CRAT: variants seen among roughly 807,000 people sequenced by gnomAD.
The protein encoded by CRAT is carnitine acetylase.
Under a neutral mutation model 73.7 loss-of-function variants are expected in CRAT, and 66 were observed. That is an observed-to-expected ratio of 0.90 (90% CI 0.73 to 1.10). The LOEUF (loss-of-function observed/expected upper bound fraction) is 1.10. Ranked by LOEUF, CRAT falls within the 50% of genes least tolerant of loss-of-function variation. The pLI is 0.00. For missense variants in CRAT, 745 were observed against 846.9 expected, an observed-to-expected ratio of 0.88 and a Z score of 1.49; for synonymous variants, 321 against 343.2, an observed-to-expected ratio of 0.94 and a Z score of 0.71.
intron 2 of CRAT, 90 bp from the exon 3 acceptor site, chr9:129,104,396 G>A: frequency 1.1e-6 from 1 of 944,874 alleles, no homozygotes; most frequent in Non-Finnish European, 1.7e-6. Context: ...TGGCCCCCAT[G>A]CCCTCTACCT....
Position 129,096,042 on chromosome 9 carries a change from T to C in CRAT, c.1621A>G (p.Thr541Ala). The change falls in exon 13 of 14, where the codon ACC (threonine) becomes GCC (alanine). Residue 541 changes from threonine to alanine, a missense_variant. By Grantham distance (58) the Thr-to-Ala change is moderately conservative (BLOSUM62 0). Transcript: ENST00000318080. ...AAGTGCATGGCGATGGCGTAGGAGGTGTCCATGAAGATGTCGGGCATGCTC... is the reference window on the plus strand; with the variant it reads ...AAGTGCATGGCGATGGCGTAGGAGGCGTCCATGAAGATGTCGGGCATGCTC... Reference protein sequence around the residue: ...LVSMPDIFMDTSYAIAMHFHL... With the variant: ...LVSMPDIFMDASYAIAMHFHL... The C allele has an allele frequency of 6.2e-7, 1 of 1,613,778 alleles. No individual in the cohort carries two copies. Among genetic ancestry groups the C allele is most frequent in the Non-Finnish European group, 8.5e-7 (1 of 1,179,966 alleles).
chr9:129,108,105 T>C, intron 1 of CRAT, 28 bp from the exon 2 acceptor site: 1 of 1,499,906 alleles, frequency 6.7e-7, no homozygotes, highest in East Asian at 2.3e-5. Flanking sequence ...TCCTGTTCAT[T>C]CCCTCCCCGG....
Position 129,098,295 on chromosome 9 carries a change from T to C in CRAT, c.1282A>G (p.Ser428Gly), listed in dbSNP as rs566951989. The change falls in exon 10 of 14, where the codon AGC becomes GGC. Residue 428 changes from serine (S) to glycine (G), a missense_variant. Ser to Gly is a moderately conservative substitution (Grantham distance 56). Coordinates refer to ENST00000318080, the MANE Select transcript of CRAT (RefSeq NM_000755.5). Reference sequence around the variant, plus strand: ...GCCATCTGGATGAAGGCATCTGGGCTTAGCTTCTCCGACTTGGGGAAGTCT... The same window carrying C: ...GCCATCTGGATGAAGGCATCTGGGCCTAGCTTCTCCGACTTGGGGAAGTCT... ...GKDFPKSEKL[S>G]PDAFIQMALQ... 7 of 1,614,042 alleles carry C rather than the reference T, an allele frequency of 4.3e-6. No homozygotes were observed. The highest frequency in any genetic ancestry group is 5.1e-6 in the Non-Finnish European group (6 of 1,180,034).
chr9:129,099,133 C>T (rs894627557), intron 8 of CRAT, among the ~76,000 whole-genome samples: 12 of 149,152 alleles, frequency 8.0e-5, no homozygotes, highest in Non-Finnish European at 1.6e-4. Context: ...CACCACCACG[C>T]GTGGCTAACT....
rs1052751317 is a variant in CRAT at position 129,095,091 on chromosome 9, G to A, written c.*306C>T. ...AGAGCTCTTGCCAGTCTCCTGCTCT[G>A]GAGGGCTGGTTCCCTTCCCCAGAGG... On this transcript the variant is annotated 3_prime_UTR_variant, in exon 14 of 14. Coordinates refer to ENST00000318080, the MANE Select transcript of CRAT (RefSeq NM_000755.5). 4.2e-5 allele frequency: 19 copies of A among 452,428 alleles called. No individual in the cohort carries two copies. The highest frequency in any genetic ancestry group is 2.2e-4 in the African/African-American group (11 of 50,866). 28.0% of individuals were successfully genotyped at this position (452,428 alleles called of 1,614,324 possible).
At chr9:129,100,475 G>A in intron 7 of CRAT, 36 bp downstream of exon 7, 1 of 1,593,270 alleles carries the variant, frequency 6.3e-7, no homozygotes, top group Non-Finnish European at 8.6e-7. Context: ...TCCTGTTCAG[G>A]TGTGTGTGAG....
intron 12 of CRAT, among the ~76,000 whole-genome samples, chr9:129,096,479 C>T (rs913912532): frequency 1.2e-4 from 18 of 152,334 alleles, no homozygotes; most frequent in African/African-American, 4.1e-4. Flanking sequence ...ACACTCCCCT[C>T]GCAGGGTGGC....
rs772385122 is a variant in CRAT, at chr9:129,098,128, G to A, written c.1349C>T (p.Ala450Val). 6.2e-7 allele frequency: 1 copy of A among 1,613,860 alleles called. No individual in the cohort carries two copies. The highest frequency in any genetic ancestry group is 8.5e-7 in the Non-Finnish European group (1 of 1,180,032). Residue 450 changes from alanine (A) to valine (V), a missense_variant, in exon 11 of 14, where the codon GCC becomes GTC. By Grantham distance (64) the Ala-to-Val change is moderately conservative. Transcript: ENST00000318080. ...GCGCAGGGAGGCACTTTCATAGGTG[G>A]CACATGCCTGTCCGTAGATCCTGGT... The part of the protein sequence containing the change: ...AYYRIYGQAC[A>V]TYESASLRMF...
rs1028025395 is a variant in CRAT, at chr9:129,106,491, A to G, written c.291+1323T>C. On this transcript the variant is annotated intron_variant, in intron 2 of 13. Transcript: ENST00000318080. This position sits in a 1 kb window ranked among gnomAD's most constrained non-coding sequence, Gnocchi z 4.0. ...GAGAATCTGCCAGGTGGTGGCGGAG[A>G]CCCTTCGGTGGCCCCGTGAGTGGAA... Among the ~76,000 whole-genome samples, 1 of 151,902 alleles carries G rather than the reference A, an allele frequency of 6.6e-6. No homozygotes were observed.
In CRAT at chr9:129,103,307, C is replaced by G. The variant is rs969473621; in HGVS notation, c.411-241G>C. Reference sequence around the variant, plus strand: ...CGGGGAAGTGCTGGTGGCCAAGGGCCTAGTAGGACTTGGGTGCTGGCCCCC... The same window carrying G: ...CGGGGAAGTGCTGGTGGCCAAGGGCGTAGTAGGACTTGGGTGCTGGCCCCC... On this transcript the variant is annotated intron_variant, in intron 3 of 13. Coordinates refer to ENST00000318080, the MANE Select transcript of CRAT (RefSeq NM_000755.5). This position sits in a 1 kb window ranked among gnomAD's most constrained non-coding sequence, Gnocchi z 4.6. 4.6e-5 allele frequency among the ~76,000 whole-genome samples: 7 copies of G among 152,314 alleles called. No individual in the cohort carries two copies. Among genetic ancestry groups the G allele is most frequent in the South Asian group, 4.1e-4 (2 of 4,830 alleles).
Position 129,095,312 on chromosome 9 carries a change from AG to A in CRAT, c.*84del. 1 of 1,400,526 alleles carries A rather than the reference AG, an allele frequency of 7.1e-7. No homozygotes were observed. 86.8% of individuals were successfully genotyped at this position (1,400,526 alleles called of 1,614,324 possible). On this transcript the variant is annotated 3_prime_UTR_variant, in exon 14 of 14. Transcript: ENST00000318080. ...ACCAGGGAAGAGGGAACCAAGGAAG[AG>A]GGAACCAAGGAGCTGAGCCCTGGTG...
chr9:129,098,719 G>C, intron 8 of CRAT, 69 bp from the exon 9 acceptor site: 3 of 1,533,268 alleles, frequency 2.0e-6, no homozygotes, highest in Non-Finnish European at 2.6e-6. Context: ...TGGGACCAGG[G>C]TGGGGAGGAT....
chr9:129,107,931 C>T lies in CRAT; in HGVS notation c.174G>A (p.Val58=). 6.2e-7 allele frequency: 1 copy of T among 1,610,162 alleles called. No homozygotes were observed. Among genetic ancestry groups the T allele is most frequent in the East Asian group, 2.2e-5 (1 of 44,870 alleles). The stretch of plus-strand genomic sequence containing the variant: ...TGGTGTGGGCCCACTCCTCCTCACT[C>T]ACGATGGGCTGCAGCGCCTTCAGGT... ...DHYLKALQPI[V]SEEEWAHTKQ... Residue 58 remains valine (V), a synonymous_variant, in exon 2 of 14, where the codon GTG becomes GTA. Coordinates refer to ENST00000318080, the MANE Select transcript of CRAT (RefSeq NM_000755.5). The surrounding 1 kb of genome is among the most constrained non-coding windows in gnomAD (Gnocchi z 5.0).
rs1191706280 is a variant in CRAT, at chr9:129,103,485, G to A, written c.411-419C>T. Among the ~76,000 whole-genome samples, 1 of 152,156 alleles carries A rather than the reference G, an allele frequency of 6.6e-6. No individual in the cohort carries two copies. Among genetic ancestry groups the A allele is most frequent in the African/African-American group, 2.4e-5 (1 of 41,426 alleles). ...CCCGGGCCCCTGGGGTGGTGTGATG[G>A]GAGAGCAGTGGCTCCGGTGTTCCCT... On this transcript the variant is annotated intron_variant, in intron 3 of 13. Coordinates refer to ENST00000318080, the MANE Select transcript of CRAT (RefSeq NM_000755.5). This position sits in a 1 kb window ranked among gnomAD's most constrained non-coding sequence, Gnocchi z 4.6.
intron 2 of CRAT, among the ~76,000 whole-genome samples, chr9:129,104,645 T>C (rs1181194856): frequency 2.0e-5 from 3 of 151,468 alleles, no homozygotes; most frequent in South Asian, 2.1e-4. Context: ...CGCTGTGTCA[T>C]GCAGGCTGGA....
Position 129,106,123 on chromosome 9 carries a change from G to A in CRAT, c.291+1691C>T, listed in dbSNP as rs1848001292. Among the ~76,000 whole-genome samples the A allele has an allele frequency of 6.6e-6, 1 of 152,016 alleles. No individual in the cohort carries two copies. The highest frequency in any genetic ancestry group is 6.6e-5 in the Admixed American group (1 of 15,244). On this transcript the variant is annotated intron_variant, in intron 2 of 13. Coordinates refer to ENST00000318080, the MANE Select transcript of CRAT (RefSeq NM_000755.5). The surrounding 1 kb of genome is among the most constrained non-coding windows in gnomAD (Gnocchi z 4.0). ...TGCAGCACTGGGCCACTAGCCTTTGGCAAGGGGTGAGGGGGAGGCAACTTG... is the reference window on the plus strand; with the variant it reads ...TGCAGCACTGGGCCACTAGCCTTTGACAAGGGGTGAGGGGGAGGCAACTTG...
At chr9:129,108,449 T>C (rs3780691) in intron 1 of CRAT, 16,814 of 1,173,648 alleles carry the variant, frequency 0.014, 384 homozygotes, top group Admixed American at 0.11. Context: ...ACTGTCCCTC[T>C]TGGAGGTCCC....
rs1848360263 is a variant in CRAT, at chr9:129,110,495, A to C, written c.15T>G (p.Ala5=). 1 of 1,582,786 alleles carries C rather than the reference A, an allele frequency of 6.3e-7. No individual in the cohort carries two copies. Among genetic ancestry groups the C allele is most frequent in the Non-Finnish European group, 8.5e-7 (1 of 1,171,078 alleles). The change falls in exon 1 of 14, where the codon GCT becomes GCG. Residue 5 remains alanine (A), a synonymous_variant. Transcript: ENST00000318080. This position sits in a 1 kb window ranked among gnomAD's most constrained non-coding sequence, Gnocchi z 5.3. MLAF[A]ARTVVKPLGF... ...CCGCCGCACTCACCACGGTCCTGGCAGCGAAGGCTAACATCTTCGCTGCCC... is the reference window on the plus strand; with the variant it reads ...CCGCCGCACTCACCACGGTCCTGGCCGCGAAGGCTAACATCTTCGCTGCCC...
chr9:129,099,749 A>T, intron 8 of CRAT, 117 bp downstream of exon 8: 7 of 827,568 alleles, frequency 8.5e-6, no homozygotes, highest in South Asian at 2.0e-5. Context: ...TTCCTTGGAA[A>T]AAAACAGATT....
Sources: gnomAD v4.1 joint callset for allele counts (sites outside exome capture counted in the v4.1 genomes callset) on GRCh38, gnomAD v4.1.1 for gene constraint, Gnocchi (gnomAD v3.1) non-coding constraint, MANE v1.5 for transcripts, NCBI Gene and HGNC (gene_info 2026-07-23, HGNC 2026-07-21) for gene names.